The following PCP4L1 variants were observed in gnomAD, a reference collection of about 807,000 sequenced individuals.
PCP4L1 encodes Purkinje cell protein 4 like 1, also known as Purkinje cell protein 4-like protein 1.
A neutral mutation model predicts 9.6 loss-of-function variants in PCP4L1; 9 were observed. That is an observed-to-expected ratio of 0.94 (90% confidence interval 0.57 to 1.64). The LOEUF is 1.64. Ranked by LOEUF, PCP4L1 falls within the 40% of genes most tolerant of loss-of-function variation. The probability of loss-of-function intolerance (pLI) is 0.00; values close to 1 mark genes in which losing one functional copy is unlikely to be tolerated. For missense variants in PCP4L1, 81 were observed against 80.8 expected, an observed-to-expected ratio of 1.00 and a Z score of -0.01; for synonymous variants, 31 against 28.2, an observed-to-expected ratio of 1.10 and a Z score of -0.31.
chr1:161,260,093 A>G (rs1026700241), intron 1 of PCP4L1, among the ~76,000 whole-genome samples: 16 of 152,212 alleles, frequency 1.1e-4, no homozygotes, highest in African/African-American at 3.9e-4. Context: ...CCATTAGAGT[A>G]TTACAGAAAT....
intron 1 of PCP4L1, among the ~76,000 whole-genome samples, chr1:161,281,049 G>A (rs562712092): frequency 3.3e-5 from 5 of 152,168 alleles, no homozygotes; most frequent in African/African-American, 9.6e-5. Flanking sequence ...GACTCTTAAC[G>A]AGCATGCTGC....
At position 161,284,485 on chromosome 1, in the gene PCP4L1, GCC is replaced by G; in HGVS notation, c.*5_*6del. 6.2e-7 allele frequency: 1 copy of G among 1,611,076 alleles called. No individual in the cohort carries two copies. Among genetic ancestry groups the G allele is most frequent in the Non-Finnish European group, 8.5e-7 (1 of 1,178,538 alleles). On this transcript the variant is annotated 3_prime_UTR_variant, in exon 3 of 3. Coordinates refer to ENST00000504449, the MANE Select transcript of PCP4L1 (RefSeq NM_001102566.2). ...GAAAAAGGATCCCAGCTCCTGAATG[GCC>G]AGGCTTGCCCTTCACCTTCACCTTC... is the stretch of plus-strand genomic sequence containing the variant.
In PCP4L1 at chr1:161,285,324, C is replaced by T. The variant is rs1485940403; in HGVS notation, c.*843C>T. On this transcript the variant is annotated 3_prime_UTR_variant, in exon 3 of 3. Coordinates refer to ENST00000504449, the MANE Select transcript of PCP4L1 (RefSeq NM_001102566.2). ...CCCAGAGGCCACACAAACCAAGTGA[C>T]TCCTGTAGTTCCCATTTGCCCCACT... 1.3e-5 allele frequency: 2 copies of T among 152,430 alleles called. No individual in the cohort carries two copies. The highest frequency in any genetic ancestry group is 1.3e-4 in the Admixed American group (2 of 15,284). The allele number at this position is 152,430 out of a possible 1,614,324, so 9.4% of individuals were successfully genotyped here.
rs1253772768 is a variant in PCP4L1 at position 161,283,716 on chromosome 1, G to A, written c.58G>A (p.Glu20Lys). 6.2e-7 allele frequency: 1 copy of A among 1,605,964 alleles called. No homozygotes were observed. The change falls in exon 2 of 3, where the codon GAA becomes AAA. Residue 20 changes from glutamate to lysine, a missense_variant. Transcript: ENST00000504449. ...PATNQAAGQE[E>K]KGKAGNVKKA... ...AACCAACCAGGCAGCTGGCCAAGAG[G>A]AAAAAGGTGAGTGGGGTTGGGCTAG... is the stretch of plus-strand genomic sequence containing the variant.
Position 161,267,833 on chromosome 1 carries a change from C to T in PCP4L1, c.9+8850C>T, listed in dbSNP as rs150443186. Among the ~76,000 whole-genome samples, 39 of 152,250 alleles carry T rather than the reference C, an allele frequency of 2.6e-4. No individual in the cohort carries two copies. In the East Asian group the frequency reaches 7.5e-3, roughly 29 times the overall value. ...GTTTAAGCAATTTTCCCACCTCAGCCTCCTGAGTAGCTGGGATTACAGGTG... is the reference window on the plus strand; with the variant it reads ...GTTTAAGCAATTTTCCCACCTCAGCTTCCTGAGTAGCTGGGATTACAGGTG... On this transcript the variant is annotated intron_variant, in intron 1 of 2. Coordinates refer to ENST00000504449, the MANE Select transcript of PCP4L1 (RefSeq NM_001102566.2).
intron 1 of PCP4L1, among the ~76,000 whole-genome samples, chr1:161,262,966 A>G (rs1263517061): frequency 1.3e-5 from 2 of 152,236 alleles, no homozygotes; most frequent in African/African-American, 4.8e-5. Context: ...CAAAATAGAA[A>G]GATATATCTT....
At chr1:161,265,566 A>G (rs561485867) in intron 1 of PCP4L1, among the ~76,000 whole-genome samples, 19 of 152,098 alleles carry the variant, frequency 1.2e-4, no homozygotes, top group South Asian at 1.2e-3. Flanking sequence ...AATGAGAAGA[A>G]TGCATTAGGC....
intron 1 of PCP4L1, among the ~76,000 whole-genome samples, chr1:161,259,526 C>G (rs961116324): frequency 6.6e-6 from 1 of 152,208 alleles, no homozygotes; most frequent in African/African-American, 2.4e-5. Flanking sequence ...GAAGCCCCTG[C>G]CAGTTGCTGG....
chr1:161,281,873 G>C (rs895463850), intron 1 of PCP4L1, among the ~76,000 whole-genome samples: 1 of 150,930 alleles, frequency 6.6e-6, no homozygotes, highest in Non-Finnish European at 1.5e-5. Flanking sequence ...ATGGGTGGCC[G>C]GGCAGAGACG....
intron 1 of PCP4L1, among the ~76,000 whole-genome samples, chr1:161,281,756 GGCCGGGCAGAGGC>G (rs1669812622): frequency 2.7e-5 from 3 of 110,332 alleles, no homozygotes; most frequent in Admixed American, 9.6e-5. Context: ...ACGGGGTCAC[GGCCGGGCAGAGGC>G]GCTCCTCACA....
In PCP4L1 at chr1:161,258,823, A is replaced by C. The variant is rs898310255; in HGVS notation, c.-152A>C. On this transcript the variant is annotated 5_prime_UTR_variant, in exon 1 of 3. Transcript: ENST00000504449. ...CGAGAATCCCGGGTGCCAGCACCAG[A>C]GCAGCGGCTCTCCGCACTAACTCTC... The C allele has an allele frequency of 8.2e-7, 1 of 1,219,448 alleles. No individual in the cohort carries two copies. Among genetic ancestry groups the C allele is most frequent in the Non-Finnish European group, 1.2e-6 (1 of 865,286 alleles). 75.5% of individuals were successfully genotyped at this position (1,219,448 alleles called of 1,614,324 possible). A position where few individuals can be genotyped will look rare whatever the true frequency, so the allele number is the denominator to read the frequency against.
At chr1:161,268,383 C>T (rs1669568644) in intron 1 of PCP4L1, among the ~76,000 whole-genome samples, 1 of 152,154 alleles carries the variant, frequency 6.6e-6, no homozygotes, top group African/African-American at 2.4e-5. Flanking sequence ...TACTCTGTGG[C>T]AACTCCACTC....
At chr1:161,262,250 T>C (rs1434246975) in intron 1 of PCP4L1, among the ~76,000 whole-genome samples, 1 of 151,786 alleles carries the variant, frequency 6.6e-6, no homozygotes, top group Non-Finnish European at 1.5e-5. Context: ...CTGGCTAACA[T>C]GGTGAAACCC....
At chr1:161,284,198 G>T in intron 2 of PCP4L1, 141 bp from the exon 3 acceptor site, 1 of 994,784 alleles carries the variant, frequency 1.0e-6, no homozygotes, top group Non-Finnish European at 1.5e-6. Context: ...GGAATTATCA[G>T]GCATTCATAA....
Position 161,273,668 on chromosome 1 carries a change from C to T in PCP4L1, c.10-10000C>T, listed in dbSNP as rs373855461. Reference sequence around the variant, plus strand: ...CTATGGCTGTCCTCCAGGAGTCAGCCTCGTGTATCAGGAGGCCCACTGAGC... The same window carrying T: ...CTATGGCTGTCCTCCAGGAGTCAGCTTCGTGTATCAGGAGGCCCACTGAGC... On this transcript the variant is annotated intron_variant, in intron 1 of 2. Transcript: ENST00000504449. Among the ~76,000 whole-genome samples the T allele has an allele frequency of 2.6e-5, 4 of 152,142 alleles. No homozygotes were observed. The East Asian group carries it at 7.7e-4, about 29-fold the overall frequency.
intron 1 of PCP4L1, among the ~76,000 whole-genome samples, chr1:161,268,172 G>C (rs1669560015): frequency 6.6e-6 from 1 of 152,276 alleles, no homozygotes; most frequent in East Asian, 1.9e-4. Context: ...ATGTCTCAGG[G>C]TTCCCAGAGG....
rs754789167 is a variant in PCP4L1 at position 161,258,945 on chromosome 1, G to T, written c.-30G>T. On this transcript the variant is annotated 5_prime_UTR_variant, in exon 1 of 3. Coordinates refer to ENST00000504449, the MANE Select transcript of PCP4L1 (RefSeq NM_001102566.2). ...GCCACTCGCCTCACCTGTGCGTGCA[G>T]CGCCTCGCGCGCCCTGTCCGGCTGC... 2 of 1,534,770 alleles carry T rather than the reference G, an allele frequency of 1.3e-6. No individual in the cohort carries two copies. The highest frequency in any genetic ancestry group is 1.7e-6 in the Non-Finnish European group (2 of 1,146,148).
rs1669363218 is a variant in PCP4L1, at chr1:161,258,778, G to C, written c.-197G>C. On this transcript the variant is annotated 5_prime_UTR_variant, in exon 1 of 3. Transcript: ENST00000504449. ...CTGACAGGACGGGTCGCAGGGGGTCGCCTGGCCGGAGCTGGGCTCCGAGAA... is the reference window on the plus strand; with the variant it reads ...CTGACAGGACGGGTCGCAGGGGGTCCCCTGGCCGGAGCTGGGCTCCGAGAA... 1 of 836,724 alleles carries C rather than the reference G, an allele frequency of 1.2e-6. No individual in the cohort carries two copies. Among genetic ancestry groups the C allele is most frequent in the Non-Finnish European group, 1.9e-6 (1 of 536,858 alleles). 51.8% of individuals were successfully genotyped at this position (836,724 alleles called of 1,614,324 possible).
At chr1:161,261,914 T>G (rs1441077867) in intron 1 of PCP4L1, among the ~76,000 whole-genome samples, 1 of 152,122 alleles carries the variant, frequency 6.6e-6, no homozygotes, top group African/African-American at 2.4e-5. Flanking sequence ...ACTTTGGAGA[T>G]CCACACACTC....
Sources: allele counts gnomAD v4.1 joint callset (sites outside exome capture counted in the v4.1 genomes callset), GRCh38; gene constraint gnomAD v4.1.1; transcripts MANE v1.5; gene names NCBI Gene and HGNC (gene_info 2026-07-23, HGNC 2026-07-21).